ELOVL6: variants seen among roughly 807,000 people sequenced by gnomAD.
ELOVL6 encodes very long chain fatty acid elongase 6.
ELOVL6 carries 8 observed loss-of-function variants against 31.7 expected under a neutral mutation model. The observed-to-expected ratio is 0.25, with a 90% CI of 0.15 to 0.45. ELOVL6 has a LOEUF of 0.45. Among genes scored for constraint, ELOVL6 ranks in the 20% least tolerant of loss-of-function variants. The pLI is 1.00. For missense variants in ELOVL6, 126 were observed against 326.4 expected, an observed-to-expected ratio of 0.39 and a Z score of 4.73; for synonymous variants, 101 against 117.7, an observed-to-expected ratio of 0.86 and a Z score of 0.92.
chr4:110,194,614 T>C (rs906204587), intron 1 of ELOVL6, among the ~76,000 whole-genome samples: 1 of 152,124 alleles, frequency 6.6e-6, no homozygotes, highest in Non-Finnish European at 1.5e-5. Context: ...CCCTTTAGGG[T>C]TTATACAAAT....
At chr4:110,133,588 A>G (rs969692140) in intron 1 of ELOVL6, among the ~76,000 whole-genome samples, 1 of 152,106 alleles carries the variant, frequency 6.6e-6, no homozygotes, top group Non-Finnish European at 1.5e-5. Flanking sequence ...GAGGACAGGG[A>G]AAAAGGGAAG....
chr4:110,177,617 T>C (rs1231417758), intron 1 of ELOVL6, among the ~76,000 whole-genome samples: 3 of 152,128 alleles, frequency 2.0e-5, no homozygotes, highest in Non-Finnish European at 4.4e-5. Flanking sequence ...CTTGGTGATA[T>C]GGCAGCCACC....
intron 1 of ELOVL6, among the ~76,000 whole-genome samples, chr4:110,169,134 G>C (rs1758864649): frequency 6.6e-6 from 1 of 151,486 alleles, no homozygotes; most frequent in Non-Finnish European, 1.5e-5. Context: ...GCTAATTTTT[G>C]TATTTTTGGT....
chr4:110,197,997 T>C, intron 1 of ELOVL6: 1 of 584,906 alleles, frequency 1.7e-6, no homozygotes. Context: ...ATATGTTCTG[T>C]GTTATATAAT....
chr4:110,071,155 A>G (rs1755468761), intron 2 of ELOVL6, among the ~76,000 whole-genome samples: 1 of 152,204 alleles, frequency 6.6e-6, no homozygotes, highest in African/African-American at 2.4e-5. Flanking sequence ...GGGAGGTAGC[A>G]GAGTCATAAG....
rs193044918 is a variant in ELOVL6 at position 110,192,925 on chromosome 4, T to C, written c.89+5322A>G. 2.2e-3 allele frequency among the ~76,000 whole-genome samples: 333 copies of C among 152,326 alleles called. 3 individuals are homozygous for C. The highest frequency in any genetic ancestry group is 6.8e-3 in the African/African-American group (284 of 41,582). ...AACAGCAAGTGACATGAGTACAATA[T>C]AGACACACTATATTCCTACAGAGCT... is the stretch of plus-strand genomic sequence containing the variant. On this transcript the variant is annotated intron_variant, in intron 1 of 3. Transcript: ENST00000302274.
intron 2 of ELOVL6, among the ~76,000 whole-genome samples, chr4:110,099,565 G>A (rs1578480170): frequency 6.6e-6 from 1 of 152,268 alleles, no homozygotes; most frequent in South Asian, 2.1e-4. Flanking sequence ...GGTGAAGCAA[G>A]TGTGATATTT....
At chr4:110,091,882 A>G (rs1756437357) in intron 2 of ELOVL6, among the ~76,000 whole-genome samples, 1 of 152,248 alleles carries the variant, frequency 6.6e-6, no homozygotes. Context: ...GCCCCGGATC[A>G]ATCAATCATT....
At chr4:110,119,088 A>C (rs1757270071) in intron 1 of ELOVL6, among the ~76,000 whole-genome samples, 1 of 152,178 alleles carries the variant, frequency 6.6e-6, no homozygotes, top group Non-Finnish European at 1.5e-5. Context: ...ATTAATAAAA[A>C]TTGAGAGTAG....
At chr4:110,166,878 T>C (rs555420747) in intron 1 of ELOVL6, among the ~76,000 whole-genome samples, 1 of 152,352 alleles carries the variant, frequency 6.6e-6, no homozygotes, top group Non-Finnish European at 1.5e-5. Flanking sequence ...TAATACTATA[T>C]TCCAGCACTG....
intron 1 of ELOVL6, among the ~76,000 whole-genome samples, chr4:110,127,434 G>T (rs1462891568): frequency 8.0e-6 from 1 of 124,588 alleles, no homozygotes. Context: ...AAGAAAAGAA[G>T]GTAAGCCTAT....
At chr4:110,188,826 G>A (rs527446455) in intron 1 of ELOVL6, among the ~76,000 whole-genome samples, 1 of 151,600 alleles carries the variant, frequency 6.6e-6, no homozygotes, top group South Asian at 2.1e-4. Context: ...GGGAGGCAGA[G>A]GTTGCGGTGA....
Position 110,166,609 on chromosome 4 carries a change from C to CAA in ELOVL6, c.89+31636_89+31637dup, listed in dbSNP as rs566592021. ...GCCTGGTGACAGTGAAACTCCGTCT[C>CAA]AAAAAAAAGAAAAAATTCTTGTGTT... On this transcript the variant is annotated intron_variant, in intron 1 of 3. Coordinates refer to ENST00000302274, the MANE Select transcript of ELOVL6 (RefSeq NM_024090.3). Among the ~76,000 whole-genome samples, 561 of 151,704 alleles carry CAA rather than the reference C, an allele frequency of 3.7e-3. 4 individuals are homozygous for CAA. The Middle Eastern group carries it at 0.048, about 13-fold the overall frequency.
At chr4:110,105,353 T>C in intron 2 of ELOVL6, 144 bp downstream of exon 2, 4 of 867,074 alleles carry the variant, frequency 4.6e-6, no homozygotes, top group Non-Finnish European at 7.0e-6. Flanking sequence ...GTGAAGGCTT[T>C]CTTTCTGAAC....
In ELOVL6 at chr4:110,046,675, C is replaced by T. The variant is rs973640394; in HGVS notation, c.*4663G>A. 6.6e-6 allele frequency: 1 copy of T among 152,162 alleles called. No individual in the cohort carries two copies. The highest frequency in any genetic ancestry group is 2.4e-5 in the African/African-American group (1 of 41,436). 9.4% of individuals were successfully genotyped at this position (152,162 alleles called of 1,614,324 possible). A position where few individuals can be genotyped will look rare whatever the true frequency, so the allele number is the denominator to read the frequency against. ...CGGCCTCTTTAGCTATGAGTTGTGC[C>T]ATATGGCTCGCAGATGTTTATAACT... On this transcript the variant is annotated 3_prime_UTR_variant, in exon 4 of 4. Transcript: ENST00000302274.
chr4:110,075,644 T>A (rs1578456749), intron 2 of ELOVL6, among the ~76,000 whole-genome samples: 3 of 152,190 alleles, frequency 2.0e-5, no homozygotes, highest in East Asian at 3.8e-4. Flanking sequence ...ATGGGTACAG[T>A]TTCAGTTTTA....
intron 3 of ELOVL6, among the ~76,000 whole-genome samples, chr4:110,058,294 G>C (rs1439770094): frequency 6.6e-6 from 1 of 152,184 alleles, no homozygotes; most frequent in African/African-American, 2.4e-5. Flanking sequence ...GTTGGAGGGG[G>C]GGAGCGGTGC....
chr4:110,121,064 G>C (rs1305477894), intron 1 of ELOVL6, among the ~76,000 whole-genome samples: 1 of 152,076 alleles, frequency 6.6e-6, no homozygotes, highest in Admixed American at 6.5e-5. Context: ...GCCTCCCAAA[G>C]TGCTGAGATT....
intron 2 of ELOVL6, among the ~76,000 whole-genome samples, chr4:110,083,423 A>G (rs1334440949): frequency 6.6e-6 from 1 of 151,694 alleles, no homozygotes; most frequent in Non-Finnish European, 1.5e-5. Context: ...CTAAGCACTA[A>G]TCAGCTGGGC....
Sources: allele counts gnomAD v4.1 joint callset (sites outside exome capture counted in the v4.1 genomes callset), GRCh38; gene constraint gnomAD v4.1.1; transcripts MANE v1.5; gene names NCBI Gene and HGNC (gene_info 2026-07-23, HGNC 2026-07-21).